The following KCNH1 variants were observed in gnomAD, a reference collection of about 807,000 sequenced individuals.
KCNH1 encodes voltage-gated delayed rectifier potassium channel KCNH1.
Under a neutral mutation model 69.2 loss-of-function variants are expected in KCNH1, and 27 were observed. That is an observed-to-expected ratio of 0.39 (90% confidence interval 0.29 to 0.54). KCNH1 has a LOEUF of 0.54. Among genes scored for constraint, KCNH1 ranks in the 20% least tolerant of loss-of-function variants. KCNH1 has a pLI of 0.68. For synonymous variants in KCNH1, 456 were observed against 487.7 expected, an observed-to-expected ratio of 0.93 and a Z score of 0.86; for missense variants, 798 against 1,261.6, an observed-to-expected ratio of 0.63 and a Z score of 5.57.
Position 210,962,655 on chromosome 1 carries a change from T to C in KCNH1, c.1033-42586A>G, listed in dbSNP as rs191798290. On this transcript the variant is annotated intron_variant, in intron 6 of 10. Coordinates refer to ENST00000271751, the MANE Select transcript of KCNH1 (RefSeq NM_172362.3). ...CCACCCAATGGAATTTTATTTCATATTGATGGAGATCTGGGTTGTTTCCAG... is the reference window on the plus strand; with the variant it reads ...CCACCCAATGGAATTTTATTTCATACTGATGGAGATCTGGGTTGTTTCCAG... 1.9e-3 allele frequency among the ~76,000 whole-genome samples: 286 copies of C among 151,998 alleles called. 1 individual carries two copies. Among genetic ancestry groups the C allele is most frequent in the Middle Eastern group, 0.01 (3 of 294 alleles).
At position 211,127,931 on chromosome 1, in the gene KCNH1, C is replaced by T. The variant is rs142373318; in HGVS notation, c.79+5936G>A. ...TTAATAGCACAAAACTGGAAACAAT[C>T]CATCAGTGGCAGATCGGACACAATG... On this transcript the variant is annotated intron_variant, in intron 1 of 10. Coordinates refer to ENST00000271751, the MANE Select transcript of KCNH1 (RefSeq NM_172362.3). Among the ~76,000 whole-genome samples, 67 of 152,256 alleles carry T rather than the reference C, an allele frequency of 4.4e-4. 1 individual carries two copies. In the East Asian group the frequency reaches 8.9e-3, roughly 20 times the overall value.
intron 5 of KCNH1, among the ~76,000 whole-genome samples, chr1:211,061,448 G>A (rs1340716602): frequency 6.6e-6 from 1 of 152,082 alleles, no homozygotes; most frequent in Non-Finnish European, 1.5e-5. Context: ...ACATAGTACT[G>A]GAAGTCCTAA....
At chr1:210,866,533 A>G (rs1364181591) in intron 7 of KCNH1, among the ~76,000 whole-genome samples, 1 of 152,136 alleles carries the variant, frequency 6.6e-6, no homozygotes, top group African/African-American at 2.4e-5. Context: ...CCCTAGTCAT[A>G]CGGGAAATGC....
chr1:210,755,122 G>A lies in KCNH1; in HGVS notation c.2112+20226C>T, dbSNP rs900941911. 6.6e-5 allele frequency among the ~76,000 whole-genome samples: 10 copies of A among 152,028 alleles called. 1 individual carries two copies. In the South Asian group the frequency reaches 8.3e-4, roughly 13 times the overall value. On this transcript the variant is annotated intron_variant, in intron 10 of 10. Coordinates refer to ENST00000271751, the MANE Select transcript of KCNH1 (RefSeq NM_172362.3). ...CCCCTGTGCATGCAAAGCAGTCACCGACAGTGGCAGAGAGGGAAGTAGGAA... is the reference window on the plus strand; with the variant it reads ...CCCCTGTGCATGCAAAGCAGTCACCAACAGTGGCAGAGAGGGAAGTAGGAA...
chr1:211,034,156 C>A (rs1285520502), intron 5 of KCNH1, among the ~76,000 whole-genome samples: 1 of 152,172 alleles, frequency 6.6e-6, no homozygotes, highest in Non-Finnish European at 1.5e-5. Flanking sequence ...CAGCTTTACT[C>A]ATAATTGGCC....
At chr1:210,989,213 T>A (rs1688897816) in intron 6 of KCNH1, among the ~76,000 whole-genome samples, 1 of 152,204 alleles carries the variant, frequency 6.6e-6, no homozygotes. Flanking sequence ...GATCACCCTC[T>A]CCTAAATTCA....
intron 5 of KCNH1, among the ~76,000 whole-genome samples, chr1:211,036,392 G>C (rs1689899221): frequency 6.6e-6 from 1 of 152,138 alleles, no homozygotes; most frequent in Non-Finnish European, 1.5e-5. Context: ...TTTTAAGACT[G>C]GGACGGTCAA....
intron 5 of KCNH1, among the ~76,000 whole-genome samples, chr1:211,050,028 T>C (rs1455178739): frequency 2.0e-5 from 3 of 151,970 alleles, no homozygotes; most frequent in Non-Finnish European, 4.4e-5. Flanking sequence ...AGGACACAAG[T>C]AGAGCACCCT....
At chr1:211,005,353 G>A (rs995944983) in intron 6 of KCNH1, among the ~76,000 whole-genome samples, 26 of 152,038 alleles carry the variant, frequency 1.7e-4, no homozygotes, top group African/African-American at 5.8e-4. Flanking sequence ...AAATAAAAAC[G>A]TTAAAATTCA....
At position 210,683,586 on chromosome 1, in the gene KCNH1, A is replaced by G. The variant is rs754446267; in HGVS notation, c.2665T>C (p.Leu889=). 18 of 1,614,112 alleles carry G rather than the reference A, an allele frequency of 1.1e-5. No homozygotes were observed. Among genetic ancestry groups the G allele is most frequent in the Non-Finnish European group, 1.5e-5 (18 of 1,180,016 alleles). Residue 889 remains leucine (L), a synonymous_variant, in exon 11 of 11, where the codon TTG becomes CTG. Coordinates refer to ENST00000271751, the MANE Select transcript of KCNH1 (RefSeq NM_172362.3). This position sits in a 1 kb window ranked among gnomAD's most constrained non-coding sequence, Gnocchi z 5.7. The part of the protein sequence containing the change: ...SCDSGITKSD[L]RLDNVGEARS... The stretch of plus-strand genomic sequence containing the variant: ...GCCTCACCCACGTTGTCCAGGCGCA[A>G]GTCGCTCTTGGTGATGCCACTGTCA...
intron 6 of KCNH1, among the ~76,000 whole-genome samples, chr1:210,974,995 ATG>A (rs1688577740): frequency 3.9e-5 from 6 of 152,182 alleles, no homozygotes; most frequent in African/African-American, 1.4e-4. Context: ...AGGAGAAAAA[ATG>A]ATAAAAAGAT....
intron 10 of KCNH1, among the ~76,000 whole-genome samples, chr1:210,742,353 G>A (rs181593140): frequency 1.3e-5 from 2 of 152,310 alleles, no homozygotes. Flanking sequence ...TGGAAGTCCT[G>A]GTGCACTGGA....
chr1:211,127,090 G>C (rs1267244952), intron 1 of KCNH1, among the ~76,000 whole-genome samples: 1 of 152,186 alleles, frequency 6.6e-6, no homozygotes, highest in African/African-American at 2.4e-5. Context: ...CTCCGTCATA[G>C]ATTCCTCTGT....
chr1:210,893,601 C>T (rs1558514682), intron 7 of KCNH1, among the ~76,000 whole-genome samples: 1 of 151,856 alleles, frequency 6.6e-6, no homozygotes, highest in African/African-American at 2.4e-5. Flanking sequence ...TCAAATATTG[C>T]TTCTACTTTC....
intron 10 of KCNH1, among the ~76,000 whole-genome samples, chr1:210,717,509 T>A (rs765979071): frequency 3.3e-5 from 5 of 152,154 alleles, no homozygotes; most frequent in South Asian, 2.1e-4. Context: ...GAGCAGACTG[T>A]CTGTCTGTAA....
chr1:210,893,097 G>A, intron 7 of KCNH1, among the ~76,000 whole-genome samples: 1 of 152,120 alleles, frequency 6.6e-6, no homozygotes, highest in East Asian at 1.9e-4. Flanking sequence ...AGGCAGAAAG[G>A]CTAGTGTTCT....
intron 7 of KCNH1, among the ~76,000 whole-genome samples, chr1:210,852,695 A>G (rs1685733723): frequency 6.6e-6 from 1 of 152,234 alleles, no homozygotes; most frequent in South Asian, 2.1e-4. Context: ...GCTTGGCCCA[A>G]GGGAAACAAT....
intron 6 of KCNH1, among the ~76,000 whole-genome samples, chr1:210,975,731 A>G (rs1171263951): frequency 6.6e-6 from 1 of 152,200 alleles, no homozygotes; most frequent in African/African-American, 2.4e-5. Context: ...AATGGCAACA[A>G]AAGCCAAAAT....
At chr1:211,075,990 G>C (rs542089546) in intron 5 of KCNH1, among the ~76,000 whole-genome samples, 1 of 152,344 alleles carries the variant, frequency 6.6e-6, no homozygotes, top group East Asian at 1.9e-4. Flanking sequence ...GAGCACAGCA[G>C]TCTGAGATTG....
Sources: allele counts gnomAD v4.1 joint callset (sites outside exome capture counted in the v4.1 genomes callset), GRCh38; gene constraint gnomAD v4.1.1; non-coding constraint Gnocchi (gnomAD v3.1); transcripts MANE v1.5; gene names NCBI Gene and HGNC (gene_info 2026-07-23, HGNC 2026-07-21).